TOX2: variants seen among roughly 807,000 people sequenced by gnomAD.
The protein encoded by TOX2 is granulosa cell HMG box 1.
TOX2 carries 15 observed loss-of-function variants against 47.4 expected under a neutral mutation model. That is an observed-to-expected ratio of 0.32 (90% CI 0.21 to 0.49). The LOEUF (loss-of-function observed/expected upper bound fraction) is 0.49, where lower values mean the gene tolerates loss of function less well. Among genes scored for constraint, TOX2 ranks in the 20% least tolerant of loss-of-function variants. The pLI is 0.99. For missense variants in TOX2, 622 were observed against 673.1 expected (o/e 0.92, Z 0.84); for synonymous variants, 290 against 296.6 (o/e 0.98, Z 0.23).
intron 1 of TOX2, among the ~76,000 whole-genome samples, chr20:43,959,595 C>A (rs900203968): frequency 6.6e-6 from 1 of 152,310 alleles, no homozygotes; most frequent in East Asian, 1.9e-4. Flanking sequence ...TCCGACAACA[C>A]GAGCCTTTTG....
chr20:43,940,172 C>T (rs1291832926), intron 1 of TOX2, among the ~76,000 whole-genome samples: 1 of 151,746 alleles, frequency 6.6e-6, no homozygotes, highest in African/African-American at 2.4e-5. Flanking sequence ...GACTTTCTAC[C>T]TTGAGGACAG....
chr20:43,977,773 A>G (rs2070107361), intron 2 of TOX2, among the ~76,000 whole-genome samples: 1 of 152,186 alleles, frequency 6.6e-6, no homozygotes, highest in East Asian at 1.9e-4. Context: ...TGTCCCCATC[A>G]GCAGCTCCAG....
intron 3 of TOX2, among the ~76,000 whole-genome samples, chr20:44,008,707 T>G (rs1182928055): frequency 6.6e-6 from 1 of 152,238 alleles, no homozygotes; most frequent in Non-Finnish European, 1.5e-5. Context: ...TGTGTTTATT[T>G]TTGCTTTTTT....
chr20:44,059,255 A>G (rs749011330), intron 5 of TOX2, among the ~76,000 whole-genome samples: 12 of 152,322 alleles, frequency 7.9e-5, no homozygotes, highest in Admixed American at 3.3e-4. Context: ...ACTGAATTGA[A>G]CAAGTAGAAG....
chr20:44,048,089 T>C (rs1410798609), intron 3 of TOX2, among the ~76,000 whole-genome samples: 4 of 151,932 alleles, frequency 2.6e-5, no homozygotes, highest in Non-Finnish European at 5.9e-5. Context: ...TGTGGTGACA[T>C]GCACCTGTAA....
intron 5 of TOX2, among the ~76,000 whole-genome samples, chr20:44,055,049 C>T (rs1176420454): frequency 6.6e-6 from 1 of 152,198 alleles, no homozygotes; most frequent in African/African-American, 2.4e-5. Context: ...TCTGAGCTCA[C>T]ATCTGGGCTG....
chr20:43,978,280 T>C (rs1157627997), intron 2 of TOX2, among the ~76,000 whole-genome samples: 1 of 152,116 alleles, frequency 6.6e-6, no homozygotes, highest in East Asian at 1.9e-4. Context: ...CCTCATGGGC[T>C]CCAGCTAATC....
chr20:43,960,734 A>G (rs1302488374), intron 1 of TOX2, among the ~76,000 whole-genome samples: 1 of 152,148 alleles, frequency 6.6e-6, no homozygotes, highest in African/African-American at 2.4e-5. Context: ...CTTTTTGAGG[A>G]GTGGCCTTGG....
intron 1 of TOX2, among the ~76,000 whole-genome samples, chr20:43,941,623 G>C (rs1431465666): frequency 6.6e-6 from 1 of 152,168 alleles, no homozygotes; most frequent in Admixed American, 6.6e-5. Flanking sequence ...GCGAGCCACT[G>C]TACCTGGCCT....
chr20:44,059,713 T>G (rs1430064181), intron 5 of TOX2, among the ~76,000 whole-genome samples: 1 of 152,170 alleles, frequency 6.6e-6, no homozygotes, highest in South Asian at 2.1e-4. Context: ...CTGAGAGAAT[T>G]TGCCACTGCC....
chr20:43,994,807 A>C (rs1600718611), intron 2 of TOX2, among the ~76,000 whole-genome samples: 2 of 151,738 alleles, frequency 1.3e-5, no homozygotes, highest in Non-Finnish European at 2.9e-5. Flanking sequence ...AGTCAACAAA[A>C]CTCCTGTCTA....
At chr20:43,963,557 GTCTTGGCTGTGTGGCCTTAGGCAGA>G (rs1379998824) in intron 1 of TOX2, among the ~76,000 whole-genome samples, 1 of 152,210 alleles carries the variant, frequency 6.6e-6, no homozygotes, top group Non-Finnish European at 1.5e-5. Context: ...GCTCAGGCAG[GTCTTGGCTGTGTGGCCTTAGGCAGA>G]TCCCCTAAAC....
rs890847882 is a variant in TOX2, at chr20:44,059,064, T to A, written c.879+4538T>A. On this transcript the variant is annotated intron_variant, in intron 5 of 8. Coordinates refer to ENST00000341197, the MANE Select transcript of TOX2 (RefSeq NM_001098797.2). ...TTGCCAGAAAAAGAATTCAGAAGGT[T>A]GATTGTTAAGCTAATCAAGGAGGCA... 3.3e-5 allele frequency among the ~76,000 whole-genome samples: 5 copies of A among 152,344 alleles called. No homozygotes were observed. The South Asian group carries it at 8.3e-4, about 25-fold the overall frequency.
intron 1 of TOX2, chr20:43,946,105 A>T (rs1029958091): frequency 6.3e-7 from 1 of 1,592,288 alleles, no homozygotes; most frequent in African/African-American, 1.3e-5. Context: ...GGCTGAAGAT[A>T]GGTGATGTCT....
chr20:44,024,981 G>A (rs1056176140), intron 3 of TOX2, among the ~76,000 whole-genome samples: 4 of 152,024 alleles, frequency 2.6e-5, no homozygotes, highest in African/African-American at 4.8e-5. Flanking sequence ...ATACTTCCAC[G>A]TGCATAATTA....
At chr20:44,035,456 C>T (rs536344987) in intron 3 of TOX2, among the ~76,000 whole-genome samples, 57 of 152,254 alleles carry the variant, frequency 3.7e-4, no homozygotes, top group African/African-American at 7.9e-4. Flanking sequence ...CACTTCCTCT[C>T]GGTGGCCGCC....
chr20:44,044,905 A>G (rs2071390130), intron 3 of TOX2, among the ~76,000 whole-genome samples: 1 of 152,222 alleles, frequency 6.6e-6, no homozygotes, highest in South Asian at 2.1e-4. Context: ...AATGTAGTCT[A>G]TACATACAAG....
At position 44,065,756 on chromosome 20, in the gene TOX2, A is replaced by G. The variant is rs772207822; in HGVS notation, c.1005A>G (p.Pro335=). The G allele has an allele frequency of 1.4e-5, 23 of 1,606,388 alleles. No individual in the cohort carries two copies. The highest frequency in any genetic ancestry group is 1.9e-5 in the Non-Finnish European group (22 of 1,174,268). ...QGETKSTQAN[P]PAKMLPPKQP... is the part of the protein sequence containing the mutation. ...AGACCAAGAGCACTCAGGCAAACCC[A>G]CCAGCCAAAATGCTCCCACCCAAGC... The change falls in exon 7 of 9, where the codon CCA becomes CCG. Residue 335 remains proline, a synonymous_variant. Coordinates refer to ENST00000341197, the MANE Select transcript of TOX2 (RefSeq NM_001098797.2).
chr20:44,032,303 CG>C (rs2071168568), intron 3 of TOX2, among the ~76,000 whole-genome samples: 1 of 152,212 alleles, frequency 6.6e-6, no homozygotes, highest in South Asian at 2.1e-4. Context: ...TTCTTCATTG[CG>C]GGGCTGCCCT....
Sources: allele counts gnomAD v4.1 joint callset (sites outside exome capture counted in the v4.1 genomes callset), GRCh38; gene constraint gnomAD v4.1.1; transcripts MANE v1.5; gene names NCBI Gene and HGNC (gene_info 2026-07-23, HGNC 2026-07-21).